GRM1: variants seen among roughly 807,000 people sequenced by gnomAD.
GRM1 encodes the protein metabotropic glutamate receptor 1.
GRM1 carries 33 observed loss-of-function variants against 90.9 expected under a neutral mutation model. The ratio of observed to expected loss-of-function variants is 0.36; its 90% confidence interval spans 0.28 to 0.49. The LOEUF (loss-of-function observed/expected upper bound fraction) is 0.49, where lower values mean the gene tolerates loss of function less well. GRM1 is among the 20% of genes least tolerant of loss of function. The probability of loss-of-function intolerance (pLI) is 0.99; values close to 1 mark genes in which losing one functional copy is unlikely to be tolerated. For synonymous variants in GRM1, 700 were observed against 613.2 expected (o/e 1.14, Z -2.09); for missense variants, 1,190 against 1,534.3 (o/e 0.78, Z 3.75).
At chr6:146,273,402 G>C (rs1355643036) in intron 2 of GRM1, among the ~76,000 whole-genome samples, 1 of 152,176 alleles carries the variant, frequency 6.6e-6, no homozygotes. Flanking sequence ...AAAGAAGTCA[G>C]TCAAAGGAGG....
intron 5 of GRM1, among the ~76,000 whole-genome samples, chr6:146,357,964 A>C (rs1785653710): frequency 6.6e-6 from 1 of 152,238 alleles, no homozygotes; most frequent in African/African-American, 2.4e-5. Context: ...ACGGATGAGT[A>C]ATCAAATTTT....
intron 1 of GRM1, among the ~76,000 whole-genome samples, chr6:146,127,456 C>T (rs1776238211): frequency 6.6e-6 from 1 of 152,078 alleles, no homozygotes; most frequent in Non-Finnish European, 1.5e-5. Flanking sequence ...AAGGCCTTTC[C>T]CAGGGAAATG....
chr6:146,160,711 A>T (rs1396119129), intron 2 of GRM1, among the ~76,000 whole-genome samples: 1 of 152,138 alleles, frequency 6.6e-6, no homozygotes. Flanking sequence ...AATTCTAGGA[A>T]CACTAACTTT....
chr6:146,249,509 T>G (rs548819094), intron 2 of GRM1, among the ~76,000 whole-genome samples: 1 of 152,300 alleles, frequency 6.6e-6, no homozygotes, highest in African/African-American at 2.4e-5. Flanking sequence ...CATGTGGTTT[T>G]GGGCCTATGG....
At chr6:146,307,765 T>A (rs1783630426) in intron 3 of GRM1, among the ~76,000 whole-genome samples, 1 of 152,186 alleles carries the variant, frequency 6.6e-6, no homozygotes, top group Non-Finnish European at 1.5e-5. Flanking sequence ...ATATTGCTAT[T>A]AGTTTCCATA....
chr6:146,397,811 T>C (rs1777021257), intron 6 of GRM1, among the ~76,000 whole-genome samples: 1 of 152,182 alleles, frequency 6.6e-6, no homozygotes, highest in African/African-American at 2.4e-5. Flanking sequence ...CTGAGGCAAG[T>C]TGTTGATTGA....
At chr6:146,229,249 G>T (rs1051295342) in intron 2 of GRM1, among the ~76,000 whole-genome samples, 4 of 151,660 alleles carry the variant, frequency 2.6e-5, no homozygotes, top group African/African-American at 9.7e-5. Flanking sequence ...CTCCAAAAGT[G>T]CTGGGATTAC....
intron 5 of GRM1, 112 bp downstream of exon 5, chr6:146,357,806 C>T: frequency 1.1e-6 from 1 of 871,660 alleles, no homozygotes. Flanking sequence ...AAAGGGTGTG[C>T]CAGGCTTACA....
intron 1 of GRM1, among the ~76,000 whole-genome samples, chr6:146,043,794 T>TATATATATATATATATAGATAG (rs1287614890): frequency 2.2e-5 from 3 of 136,844 alleles, no homozygotes; most frequent in Non-Finnish European, 4.8e-5. Flanking sequence ...TATATATATA[T>TATATATATATATATATAGATAG]ATATATATAT....
intron 2 of GRM1, among the ~76,000 whole-genome samples, chr6:146,249,347 A>C (rs564070755): frequency 2.0e-5 from 3 of 152,176 alleles, no homozygotes; most frequent in East Asian, 3.9e-4. Context: ...AAATGGCTTC[A>C]TGGGATGGGC....
intron 2 of GRM1, among the ~76,000 whole-genome samples, chr6:146,254,481 T>C (rs1273707324): frequency 2.0e-5 from 3 of 152,184 alleles, no homozygotes; most frequent in African/African-American, 7.2e-5. Flanking sequence ...AAGTGATTTA[T>C]TAAATTGATG....
At chr6:146,308,205 T>A (rs1253317843) in intron 3 of GRM1, among the ~76,000 whole-genome samples, 1 of 152,138 alleles carries the variant, frequency 6.6e-6, no homozygotes, top group Non-Finnish European at 1.5e-5. Context: ...GCACTATCAC[T>A]GGGTCCAATA....
chr6:146,132,760 G>T (rs191867496), intron 1 of GRM1, among the ~76,000 whole-genome samples: 338 of 152,214 alleles, frequency 2.2e-3, no homozygotes, highest in Non-Finnish European at 3.2e-3. Context: ...TCTTAACTGG[G>T]TGTAGATATT....
In GRM1 at chr6:146,252,949, A is replaced by C. The variant is rs983178137; in HGVS notation, c.951-51662A>C. Among the ~76,000 whole-genome samples the C allele has an allele frequency of 1.5e-4, 22 of 149,802 alleles. 1 individual carries two copies. Among genetic ancestry groups the C allele is most frequent in the Admixed American group, 1.5e-3 (22 of 15,020 alleles). ...GTGGCGTGTGCTTGTAGTCCCAGCTACTCAGGAGGCTGAGGCAACAGAATC... is the reference window on the plus strand; with the variant it reads ...GTGGCGTGTGCTTGTAGTCCCAGCTCCTCAGGAGGCTGAGGCAACAGAATC... On this transcript the variant is annotated intron_variant, in intron 2 of 7. Coordinates refer to ENST00000282753, the MANE Select transcript of GRM1 (RefSeq NM_001278064.2).
rs982853403 is a variant in GRM1, at chr6:146,437,144, T to A, written c.*2348T>A. ...ATTGACAAATTCATGAGGGAAAGCA[T>A]ATGATCTCTTTATTAGTGAATCATG... On this transcript the variant is annotated 3_prime_UTR_variant, in exon 8 of 8. Transcript: ENST00000282753. The A allele has an allele frequency of 1.6e-4, 25 of 152,234 alleles. No homozygotes were observed. The highest frequency in any genetic ancestry group is 3.1e-4 in the Non-Finnish European group (21 of 68,028). The allele number at this position is 152,234 out of a possible 1,614,324, so 9.4% of individuals were successfully genotyped here.
At chr6:146,049,370 A>G (rs1254284514) in intron 1 of GRM1, among the ~76,000 whole-genome samples, 2 of 151,948 alleles carry the variant, frequency 1.3e-5, no homozygotes, top group Non-Finnish European at 2.9e-5. Flanking sequence ...CCTATATAGA[A>G]CTGGAGATGG....
At chr6:146,080,114 A>T (rs1038864017) in intron 1 of GRM1, among the ~76,000 whole-genome samples, 1 of 152,152 alleles carries the variant, frequency 6.6e-6, no homozygotes, top group Non-Finnish European at 1.5e-5. Context: ...ATCTTCAAGA[A>T]ATTATTAGTC....
chr6:146,201,711 G>A (rs1779304031), intron 2 of GRM1, among the ~76,000 whole-genome samples: 1 of 152,188 alleles, frequency 6.6e-6, no homozygotes, highest in African/African-American at 2.4e-5. Flanking sequence ...TGTTCTATAT[G>A]TTAACTTGTA....
intron 2 of GRM1, among the ~76,000 whole-genome samples, chr6:146,264,908 T>A (rs1781825264): frequency 6.6e-6 from 1 of 152,216 alleles, no homozygotes; most frequent in Non-Finnish European, 1.5e-5. Context: ...GGTATATACA[T>A]CCCTCATTTT....
Sources: allele counts gnomAD v4.1 joint callset (sites outside exome capture counted in the v4.1 genomes callset), GRCh38; gene constraint gnomAD v4.1.1; transcripts MANE v1.5; gene names NCBI Gene and HGNC (gene_info 2026-07-23, HGNC 2026-07-21).